Variants in ABCA8 observed in about 807,000 individuals in gnomAD.
The protein encoded by ABCA8 is ATP binding cassette subfamily A member 8.
Under a neutral mutation model 192.3 loss-of-function variants are expected in ABCA8, and 177 were observed. The observed-to-expected ratio is 0.92, with a 90% CI of 0.81 to 1.04. The LOEUF is 1.04. ABCA8 is among the 50% of genes least tolerant of loss of function. The pLI is 0.00. For missense variants in ABCA8, 1,915 were observed against 1,904.8 expected, an observed-to-expected ratio of 1.01 and a Z score of -0.10; for synonymous variants, 642 against 690.2, an observed-to-expected ratio of 0.93 and a Z score of 1.09.
At chr17:68,870,591 C>T (rs2066023377) in intron 37 of ABCA8, among the ~76,000 whole-genome samples, 1 of 152,186 alleles carries the variant, frequency 6.6e-6, no homozygotes, top group African/African-American at 2.4e-5. Flanking sequence ...TAAGTAGAAT[C>T]ATGCAGAGTT....
chr17:68,908,960 C>CAA (rs1006057388), intron 17 of ABCA8, among the ~76,000 whole-genome samples: 3 of 152,150 alleles, frequency 2.0e-5, no homozygotes, highest in Admixed American at 1.3e-4. Context: ...ATGCATAAGT[C>CAA]AAAAATTATT....
chr17:68,907,788 C>T lies in ABCA8; in HGVS notation c.2230G>A (p.Gly744Arg), dbSNP rs1411741946. 2 of 1,606,160 alleles carry T rather than the reference C, an allele frequency of 1.2e-6. No individual in the cohort carries two copies. The highest frequency in any genetic ancestry group is 1.7e-5 in the Admixed American group (1 of 59,258). ...AAGGGTAATGTATAAATAAGTTTTC[C>T]TTCGCTTTTGGCTGATAATTTGGCA... Reference protein sequence around the residue: ...PDAKLSAKSEGKLIYTLPLER... With the variant: ...PDAKLSAKSERKLIYTLPLER... Residue 744 changes from glycine to arginine, a missense_variant, in exon 18 of 40, where the codon GGA (glycine) becomes AGA (arginine). Gly to Arg is a moderately radical substitution (Grantham distance 125, BLOSUM62 -2). Coordinates refer to ENST00000586539, the MANE Select transcript of ABCA8 (RefSeq NM_001288985.2).
At position 68,940,925 on chromosome 17, in the gene ABCA8, TACAA is replaced by T; in HGVS notation, c.130_133del (p.Leu44IlefsTer9). ...TACTTGATGACTATGAGGATATATA[TACAA>T]ACAAAGTAGTAGGAGCAATGAATTC... On this transcript the variant is annotated frameshift_variant, in exon 4 of 40. Coordinates refer to ENST00000586539, the MANE Select transcript of ABCA8 (RefSeq NM_001288985.2). LOFTEE classifies it high-confidence loss of function. The T allele has an allele frequency of 6.2e-7, 1 of 1,611,812 alleles. No homozygotes were observed. Among genetic ancestry groups the T allele is most frequent in the Non-Finnish European group, 8.5e-7 (1 of 1,178,140 alleles).
Position 68,940,815 on chromosome 17 carries a change from C to T in ABCA8, c.244G>A (p.Val82Ile), listed in dbSNP as rs1311451382. Residue 82 changes from valine (V) to isoleucine (I), a missense_variant, in exon 4 of 40, where the codon GTC (valine) becomes ATC (isoleucine). Coordinates refer to ENST00000586539, the MANE Select transcript of ABCA8 (RefSeq NM_001288985.2). ...ESRFSVVYTP[V>I]TNTTQQIMNK... ...ATTATCTGTTGGGTCGTGTTGGTGA[C>T]AGGTGTGTATACAACAGAAAATCTG... 8 of 1,613,526 alleles carry T rather than the reference C, an allele frequency of 5.0e-6. No individual in the cohort carries two copies. Among genetic ancestry groups the T allele is most frequent in the South Asian group, 1.1e-5 (1 of 91,062 alleles).
At chr17:68,908,042 A>G (rs571182713) in intron 17 of ABCA8, among the ~76,000 whole-genome samples, 163 bp from the exon 18 acceptor site, 1 of 152,320 alleles carries the variant, frequency 6.6e-6, no homozygotes, top group South Asian at 2.1e-4. Context: ...CCCAAGAAAT[A>G]AGAGGACAAA....
intron 17 of ABCA8, among the ~76,000 whole-genome samples, chr17:68,908,446 T>G (rs2067146724): frequency 6.6e-6 from 1 of 152,208 alleles, no homozygotes; most frequent in Admixed American, 6.5e-5. Flanking sequence ...TAAAGCAGCA[T>G]TATTCTGCTC....
chr17:68,933,152 A>T lies in ABCA8; in HGVS notation c.570+16T>A, dbSNP rs2067955291. The T allele has an allele frequency of 6.4e-7, 1 of 1,569,386 alleles. No homozygotes were observed. The highest frequency in any genetic ancestry group is 1.1e-5 in the South Asian group (1 of 88,876). ...TTGCATTAAACATTAGTTTGCTTTG[A>T]ACATTTTGTACTCACTTCTATAATA... On this transcript the variant is annotated intron_variant, in intron 6 of 39. Transcript: ENST00000586539.
At chr17:68,890,601 C>T (rs2066600133) in intron 24 of ABCA8, among the ~76,000 whole-genome samples, 1 of 152,186 alleles carries the variant, frequency 6.6e-6, no homozygotes, top group Non-Finnish European at 1.5e-5. Context: ...TCACTGCAAC[C>T]TCCGCAGTCC....
At chr17:68,912,375 A>G (rs1040554985) in intron 17 of ABCA8, among the ~76,000 whole-genome samples, 1 of 152,132 alleles carries the variant, frequency 6.6e-6, no homozygotes, top group African/African-American at 2.4e-5. Flanking sequence ...GCTTGAAGAC[A>G]GGCTATTTGA....
At chr17:68,880,253 T>G (rs2066302312) in intron 32 of ABCA8, 1 of 152,030 alleles carries the variant, frequency 6.6e-6, no homozygotes, top group East Asian at 1.9e-4. Context: ...CTCCTCTCCA[T>G]TAGGGGCTGG....
chr17:68,878,982 G>A (rs1332831536), intron 32 of ABCA8: 1 of 152,134 alleles, frequency 6.6e-6, no homozygotes, highest in Non-Finnish European at 1.5e-5. Context: ...ACTTCCCTTG[G>A]ACATTCTTTG....
chr17:68,950,799 T>G (rs2068548183), intron 1 of ABCA8, among the ~76,000 whole-genome samples: 1 of 152,212 alleles, frequency 6.6e-6, no homozygotes, highest in Non-Finnish European at 1.5e-5. Flanking sequence ...AGTTGAGTGA[T>G]TGATTGCATC....
At chr17:68,913,475 C>A (rs892314398) in intron 17 of ABCA8, among the ~76,000 whole-genome samples, 1 of 150,774 alleles carries the variant, frequency 6.6e-6, no homozygotes, top group Non-Finnish European at 1.5e-5. Flanking sequence ...ACAAAATGGA[C>A]AAACTTTTAG....
chr17:68,902,787 G>A lies in ABCA8; in HGVS notation c.2690C>T (p.Pro897Leu). 6.2e-7 allele frequency: 1 copy of A among 1,613,688 alleles called. No individual in the cohort carries two copies. Among genetic ancestry groups the A allele is most frequent in the Non-Finnish European group, 8.5e-7 (1 of 1,179,726 alleles). Residue 897 changes from proline to leucine, a missense_variant, in exon 21 of 40, where the codon CCT (proline) becomes CTT (leucine). Coordinates refer to ENST00000586539, the MANE Select transcript of ABCA8 (RefSeq NM_001288985.2). ...YQNSYTWELS[P>L]HLYFLAPGQQ... ...TCCAGGAGCAAGGAAATACAAATGA[G>A]GAGAAAGTTCCCAGGTGTAACTGTT...
chr17:68,919,231 T>G (rs2067471181), intron 14 of ABCA8, 70 bp downstream of exon 14: 2 of 1,372,814 alleles, frequency 1.5e-6, no homozygotes, highest in Non-Finnish European at 9.9e-7. Context: ...AATTTAAAAT[T>G]AAAACTCAGT....
intron 27 of ABCA8, 144 bp from the exon 28 acceptor site, chr17:68,884,540 G>T (rs978451889): frequency 1.3e-5 from 18 of 1,335,036 alleles, no homozygotes; most frequent in East Asian, 1.2e-4. Flanking sequence ...GTATAGCAAG[G>T]GGCTGTCTTC....
chr17:68,905,772 T>C (rs898274665), intron 19 of ABCA8, among the ~76,000 whole-genome samples: 1 of 152,214 alleles, frequency 6.6e-6, no homozygotes, highest in South Asian at 2.1e-4. Flanking sequence ...TGTGGGTTCA[T>C]GTTTTATATT....
intron 19 of ABCA8, among the ~76,000 whole-genome samples, chr17:68,903,710 A>C (rs1445308707): frequency 2.0e-5 from 3 of 152,174 alleles, no homozygotes; most frequent in African/African-American, 7.2e-5. Context: ...TTGGATACAG[A>C]CAATACATTA....
intron 11 of ABCA8, 90 bp downstream of exon 11, chr17:68,924,611 A>T: frequency 7.0e-7 from 1 of 1,429,648 alleles, no homozygotes; most frequent in Non-Finnish European, 9.5e-7. Flanking sequence ...GGAACTGTCT[A>T]CAGAGCACAA....
Sources: allele counts gnomAD v4.1 joint callset (sites outside exome capture counted in the v4.1 genomes callset), GRCh38; gene constraint gnomAD v4.1.1; transcripts MANE v1.5; gene names NCBI Gene and HGNC (gene_info 2026-07-23, HGNC 2026-07-21).